The following BLOC1S6 variants were observed in gnomAD, a reference collection of about 807,000 sequenced individuals.
The protein encoded by BLOC1S6 is biogenesis of lysosome-related organelles complex 1 subunit 6.
Under a neutral mutation model 24.7 loss-of-function variants are expected in BLOC1S6, and 24 were observed. The observed-to-expected ratio is 0.97, with a 90% CI of 0.70 to 1.37. The LOEUF is 1.37. Among genes scored for constraint, BLOC1S6 ranks in the 40% most tolerant of loss-of-function variants. The pLI, the probability that BLOC1S6 is intolerant of heterozygous loss-of-function variation, is 0.00. For synonymous variants in BLOC1S6, 76 were observed against 72.6 expected, an observed-to-expected ratio of 1.05 and a Z score of -0.23; for missense variants, 175 against 196.2, an observed-to-expected ratio of 0.89 and a Z score of 0.64.
chr15:45,592,471 C>T (rs1370525765), intron 2 of BLOC1S6, among the ~76,000 whole-genome samples, 195 bp downstream of exon 2: 2 of 152,066 alleles, frequency 1.3e-5, no homozygotes, highest in African/African-American at 4.8e-5. Flanking sequence ...ATGAATACTC[C>T]TAGGGTGTTC....
In BLOC1S6 at chr15:45,606,755, A is replaced by T. The variant is rs1894481569; in HGVS notation, c.*241A>T. 2.0e-6 allele frequency: 1 copy of T among 504,720 alleles called. No homozygotes were observed. The highest frequency in any genetic ancestry group is 1.9e-5 in the African/African-American group (1 of 51,772). 31.3% of individuals were successfully genotyped at this position (504,720 alleles called of 1,614,324 possible). On this transcript the variant is annotated 3_prime_UTR_variant, in exon 5 of 5. Coordinates refer to ENST00000220531, the MANE Select transcript of BLOC1S6 (RefSeq NM_012388.4). ...TTTAAAATTTATTATTTTGATCTTG[A>T]ATTATTTATAAACTGGAAAGTGGTT...
At chr15:45,596,672 G>T (rs1195756815) in intron 2 of BLOC1S6, among the ~76,000 whole-genome samples, 2 of 150,772 alleles carry the variant, frequency 1.3e-5, no homozygotes, top group Non-Finnish European at 3.0e-5. Flanking sequence ...GTAGCTTTTT[G>T]TTGTTGTCAT....
chr15:45,597,324 A>G (rs1838804875), intron 2 of BLOC1S6, among the ~76,000 whole-genome samples: 1 of 152,048 alleles, frequency 6.6e-6, no homozygotes, highest in Admixed American at 6.6e-5. Flanking sequence ...AAAAAAATTT[A>G]AAAAGTCAGC....
At chr15:45,597,110 C>T (rs560579918) in intron 2 of BLOC1S6, among the ~76,000 whole-genome samples, 8 of 152,218 alleles carry the variant, frequency 5.3e-5, no homozygotes, top group South Asian at 2.1e-4. Flanking sequence ...GATATCTATA[C>T]GATAACTTGC....
intron 2 of BLOC1S6, chr15:45,601,148 TTATAC>T (rs1330102873): frequency 1.3e-5 from 2 of 154,370 alleles, no homozygotes; most frequent in African/African-American, 4.8e-5. Context: ...AATACAGCAG[TTATAC>T]TATAATAAAA....
In BLOC1S6 at chr15:45,592,206, C is replaced by G. The variant is rs779204090; in HGVS notation, c.154C>G (p.Leu52Val). Residue 52 changes from leucine (L) to valine (V), a missense_variant, in exon 2 of 5, where the codon CTG becomes GTG. By Grantham distance (32) the Leu-to-Val change is conservative. Coordinates refer to ENST00000220531, the MANE Select transcript of BLOC1S6 (RefSeq NM_012388.4). ...TATAGAAGACAAAGCAGTGGAGCAA[C>G]TGGCAGAAGGATTGCTTTCTCATTA... ...LTIEDKAVEQ[L>V]AEGLLSHYLP... The G allele has an allele frequency of 1.9e-6, 3 of 1,614,138 alleles. No individual in the cohort carries two copies. Among genetic ancestry groups the G allele is most frequent in the Non-Finnish European group, 2.5e-6 (3 of 1,180,026 alleles).
chr15:45,597,821 T>C, intron 2 of BLOC1S6: 1 of 305,398 alleles, frequency 3.3e-6, no homozygotes, highest in Non-Finnish European at 6.6e-6. Context: ...AAGACAGTAT[T>C]ATTGCTTTCT....
In BLOC1S6 at chr15:45,607,766, C is replaced by T. The variant is rs1894530139; in HGVS notation, c.*1252C>T. The T allele has an allele frequency of 6.6e-6, 1 of 151,884 alleles. No individual in the cohort carries two copies. Among genetic ancestry groups the T allele is most frequent in the African/African-American group, 2.4e-5 (1 of 41,362 alleles). 9.4% of individuals were successfully genotyped at this position (151,884 alleles called of 1,614,324 possible). ...CCAGCCTTGGTGACAGAGCAAGACT[C>T]CGTCTCCAAAAAAAAGAAAAAAAAA... On this transcript the variant is annotated 3_prime_UTR_variant, in exon 5 of 5. Coordinates refer to ENST00000220531, the MANE Select transcript of BLOC1S6 (RefSeq NM_012388.4).
At chr15:45,601,589 G>T (rs1054766341) in intron 2 of BLOC1S6, among the ~76,000 whole-genome samples, 1 of 151,976 alleles carries the variant, frequency 6.6e-6, no homozygotes, top group Non-Finnish European at 1.5e-5. Context: ...AATGTCATGG[G>T]ATCAGTGGTG....
intron 2 of BLOC1S6, chr15:45,602,337 T>C (rs1401089830): frequency 1.5e-6 from 1 of 680,014 alleles, no homozygotes; most frequent in African/African-American, 1.8e-5. Context: ...TACAAGCAAA[T>C]GACATATTTT....
intron 2 of BLOC1S6, among the ~76,000 whole-genome samples, chr15:45,593,166 G>A (rs551108463): frequency 6.6e-6 from 1 of 152,114 alleles, no homozygotes; most frequent in South Asian, 2.1e-4. Flanking sequence ...GGCTGAGGCG[G>A]GCGGATCACT....
intron 2 of BLOC1S6, chr15:45,602,361 C>T: frequency 1.5e-6 from 1 of 681,650 alleles, no homozygotes; most frequent in African/African-American, 1.8e-5. Flanking sequence ...TTGTAGCATT[C>T]TTTAAAATAT....
At chr15:45,587,377 T>C, upstream of BLOC1S6, 1 of 1,447,944 alleles carries the variant, frequency 6.9e-7, no homozygotes, top group Non-Finnish European at 9.5e-7. Context: ...GCTGGAGTCG[T>C]TAGGTGCCGC....
chr15:45,594,340 C>T, intron 2 of BLOC1S6, among the ~76,000 whole-genome samples: 1 of 152,170 alleles, frequency 6.6e-6, no homozygotes, highest in Middle Eastern at 3.4e-3. Context: ...ACTAAAAAAA[C>T]AAGGTTCTGG....
intron 2 of BLOC1S6, among the ~76,000 whole-genome samples, chr15:45,602,661 T>G (rs1894310766): frequency 6.6e-6 from 1 of 152,228 alleles, no homozygotes; most frequent in Non-Finnish European, 1.5e-5. Context: ...AATTATTCTT[T>G]TTGACTTACT....
intron 2 of BLOC1S6, among the ~76,000 whole-genome samples, chr15:45,594,750 AT>A (rs758146932): frequency 6.6e-6 from 1 of 151,768 alleles, no homozygotes; most frequent in African/African-American, 2.4e-5. Context: ...CGCCCAGCTA[AT>A]TTTTTTGTAT....
At position 45,606,460 on chromosome 15, in the gene BLOC1S6, G is replaced by A; in HGVS notation, c.465G>A (p.Glu155=). Residue 155 remains glutamate (E), a synonymous_variant, in exon 5 of 5, where the codon GAG becomes GAA. Coordinates refer to ENST00000220531, the MANE Select transcript of BLOC1S6 (RefSeq NM_012388.4). ...KEELEREQQR[E]KEFEREKQLT... ...AGTTGGAAAGGGAGCAGCAACGAGAGAAGGAGTTTGAAAGAGAAAAGCAGT... is the reference window on the plus strand; with the variant it reads ...AGTTGGAAAGGGAGCAGCAACGAGAAAAGGAGTTTGAAAGAGAAAAGCAGT... The A allele has an allele frequency of 2.5e-6, 4 of 1,614,136 alleles. No homozygotes were observed. The highest frequency in any genetic ancestry group is 3.4e-6 in the Non-Finnish European group (4 of 1,180,028).
intron 1 of BLOC1S6, chr15:45,591,885 T>G: frequency 2.1e-6 from 1 of 482,876 alleles, no homozygotes; most frequent in Non-Finnish European, 3.7e-6. Context: ...TACCTGTGGT[T>G]GGGAGACTGT....
At chr15:45,587,357 C>G, upstream of BLOC1S6, 1 of 1,320,486 alleles carries the variant, frequency 7.6e-7, no homozygotes, top group South Asian at 1.3e-5. Context: ...TCTCTTCTGT[C>G]CGGCCAGCCG....
Sources: gnomAD v4.1 joint callset for allele counts (sites outside exome capture counted in the v4.1 genomes callset) on GRCh38, gnomAD v4.1.1 for gene constraint, MANE v1.5 for transcripts, NCBI Gene and HGNC (gene_info 2026-07-23, HGNC 2026-07-21) for gene names.